NT5C3A: variants seen among roughly 807,000 people sequenced by gnomAD.
NT5C3A encodes 5'-nucleotidase, cytosolic IIIA, also known as cytosolic 5'-nucleotidase 3A.
A neutral mutation model predicts 40.0 loss-of-function variants in NT5C3A; 23 were observed. The observed-to-expected ratio is 0.58, with a 90% CI of 0.41 to 0.81. NT5C3A has a LOEUF of 0.81. NT5C3A is among the 40% of genes least tolerant of loss of function. NT5C3A has a pLI of 0.00. For missense variants in NT5C3A, 328 were observed against 403.0 expected (o/e 0.81, Z 1.59); for synonymous variants, 130 against 141.4 (o/e 0.92, Z 0.57).
intron 1 of NT5C3A, 90 bp from the exon 2 acceptor site, chr7:33,027,005 A>G: frequency 2.5e-6 from 2 of 792,910 alleles, no homozygotes; most frequent in East Asian, 2.7e-5. Context: ...TTATTTAAAG[A>G]CATAAAAATA....
At chr7:33,049,567 A>G (rs369812087) in intron 1 of NT5C3A, among the ~76,000 whole-genome samples, 1 of 152,246 alleles carries the variant, frequency 6.6e-6, no homozygotes, top group South Asian at 2.1e-4. Context: ...AGAGTTTCCT[A>G]TCTTACCAAA....
intron 1 of NT5C3A, among the ~76,000 whole-genome samples, chr7:33,049,313 T>A (rs1268919600): frequency 6.6e-6 from 1 of 152,074 alleles, no homozygotes; most frequent in African/African-American, 2.4e-5. Flanking sequence ...TCTAGATAAC[T>A]GGAAATTGAA....
intron 1 of NT5C3A, among the ~76,000 whole-genome samples, chr7:33,057,683 T>A (rs537855039): frequency 6.6e-6 from 1 of 152,206 alleles, no homozygotes; most frequent in Non-Finnish European, 1.5e-5. Flanking sequence ...CATTTTTAAC[T>A]GGTTGTAGAG....
At position 33,015,771 on chromosome 7, in the gene NT5C3A, T is replaced by C; in HGVS notation, c.793A>G (p.Ser265Gly). ...GAGTCTCCCAGAAGAATTATGTTAC[T>C]ATTGTCTTTTAGTTGATTGAAATAT... ...TEYFNQLKDN[S>G]NIILLGDSQG... is the part of the protein sequence containing the mutation. The change falls in exon 8 of 9, where the codon AGT (serine) becomes GGT (glycine). Residue 265 changes from serine to glycine, a missense_variant. By Grantham distance (56) the Ser-to-Gly change is moderately conservative. Transcript: ENST00000610140. 1.2e-6 allele frequency: 2 copies of C among 1,608,728 alleles called. No homozygotes were observed. The highest frequency in any genetic ancestry group is 1.1e-5 in the South Asian group (1 of 90,986).
At chr7:33,041,814 T>C (rs190390435) in intron 1 of NT5C3A, among the ~76,000 whole-genome samples, 8 of 152,272 alleles carry the variant, frequency 5.3e-5, no homozygotes, top group Admixed American at 2.6e-4. Context: ...GCTAATACCA[T>C]GTGTCAGGAC....
chr7:33,035,793 T>C, intron 1 of NT5C3A: 1 of 740,346 alleles, frequency 1.4e-6, no homozygotes, highest in Non-Finnish European at 2.5e-6. Flanking sequence ...ATTCAATAAG[T>C]ATTTGAGGTT....
chr7:33,056,629 T>G (rs1223216040), intron 1 of NT5C3A, among the ~76,000 whole-genome samples: 1 of 151,718 alleles, frequency 6.6e-6, no homozygotes, highest in Non-Finnish European at 1.5e-5. Flanking sequence ...CCATGATCGC[T>G]TCATTGCACT....
At chr7:33,037,282 A>T (rs1312377100) in intron 1 of NT5C3A, among the ~76,000 whole-genome samples, 1 of 152,244 alleles carries the variant, frequency 6.6e-6, no homozygotes, top group Admixed American at 6.5e-5. Context: ...ACCAGTTTTT[A>T]AAACATCTCT....
chr7:33,041,025 T>A, intron 1 of NT5C3A: 1 of 985,472 alleles, frequency 1.0e-6, no homozygotes, highest in Non-Finnish European at 1.2e-6. Context: ...CAGTACTTTA[T>A]ATATGCTCTT....
intron 3 of NT5C3A, among the ~76,000 whole-genome samples, chr7:33,023,123 G>C (rs1785722812): frequency 6.6e-6 from 1 of 151,722 alleles, no homozygotes; most frequent in African/African-American, 2.4e-5. Flanking sequence ...TGTTGCTCAG[G>C]CTGGTCTCAA....
At chr7:33,059,111 T>C (rs1245673286) in intron 1 of NT5C3A, among the ~76,000 whole-genome samples, 1 of 152,250 alleles carries the variant, frequency 6.6e-6, no homozygotes, top group Non-Finnish European at 1.5e-5. Context: ...TTCTTCTCGC[T>C]GTAAAACTAT....
chr7:33,036,919 C>G (rs1360473967), intron 1 of NT5C3A, among the ~76,000 whole-genome samples: 1 of 152,096 alleles, frequency 6.6e-6, no homozygotes, highest in African/African-American at 2.4e-5. Flanking sequence ...TCAAGTGATT[C>G]TCCTGCCTCA....
intron 1 of NT5C3A, among the ~76,000 whole-genome samples, chr7:33,035,531 C>T (rs761382236): frequency 2.6e-5 from 4 of 152,106 alleles, no homozygotes; most frequent in Non-Finnish European, 5.9e-5. Context: ...CTGTACATTT[C>T]CTATCTCATC....
At chr7:33,050,794 A>T (rs914063107) in intron 1 of NT5C3A, among the ~76,000 whole-genome samples, 3 of 152,254 alleles carry the variant, frequency 2.0e-5, no homozygotes, top group Admixed American at 1.3e-4. Context: ...AAGTTGTCTT[A>T]CTTGGTTTAA....
intron 6 of NT5C3A, among the ~76,000 whole-genome samples, chr7:33,018,390 C>T (rs141645571): frequency 6.4e-4 from 97 of 152,248 alleles, no homozygotes; most frequent in African/African-American, 2.2e-3. Flanking sequence ...GCTAATGTTG[C>T]CTACTAAGGA....
chr7:33,052,274 A>G (rs953640705), intron 1 of NT5C3A, among the ~76,000 whole-genome samples: 50 of 152,210 alleles, frequency 3.3e-4, no homozygotes, highest in African/African-American at 1.2e-3. Context: ...ACCTGAGGTC[A>G]GGAGTTCGAG....
In NT5C3A at chr7:33,055,789, C is replaced by T. The variant is rs532319706; in HGVS notation, c.138+6779G>A. 8.0e-4 allele frequency among the ~76,000 whole-genome samples: 121 copies of T among 151,982 alleles called. 1 individual carries two copies. Among genetic ancestry groups the T allele is most frequent in the Non-Finnish European group, 1.6e-4 (11 of 68,018 alleles). On this transcript the variant is annotated intron_variant, in intron 1 of 8. Transcript: ENST00000610140. ...TACTGAAGCCACTGTTTTGGGGTCT[C>T]TCTTTCTCTTAGTCAAGTGCAACTA...
intron 1 of NT5C3A, among the ~76,000 whole-genome samples, chr7:33,048,027 TCTTA>T (rs542965796): frequency 2.6e-5 from 4 of 152,130 alleles, no homozygotes; most frequent in East Asian, 3.9e-4. Flanking sequence ...TCTTTTGATT[TCTTA>T]CTTAAATAGG....
At position 33,017,396 on chromosome 7, in the gene NT5C3A, T is replaced by C. The variant is rs761831864; in HGVS notation, c.693+43A>G. ...TAAATAAATTTACATGATTAAAATA[T>C]TTTCAGATTTTAAAATTATGAAGAA... On this transcript the variant is annotated intron_variant, in intron 7 of 8. Transcript: ENST00000610140. 1.4e-4 allele frequency: 205 copies of C among 1,441,254 alleles called. 1 individual carries two copies. The highest frequency in any genetic ancestry group is 2.5e-5 in the Non-Finnish European group (26 of 1,032,254). 89.3% of individuals were successfully genotyped at this position (1,441,254 alleles called of 1,614,324 possible). A position where few individuals can be genotyped will look rare whatever the true frequency, so the allele number is the denominator to read the frequency against.
Sources: gnomAD v4.1 joint callset for allele counts (sites outside exome capture counted in the v4.1 genomes callset) on GRCh38, gnomAD v4.1.1 for gene constraint, MANE v1.5 for transcripts, NCBI Gene and HGNC (gene_info 2026-07-23, HGNC 2026-07-21) for gene names.